Variants in SV2C observed in about 807,000 individuals in gnomAD.
The protein encoded by SV2C is solute carrier family 22 member B3.
In SV2C, 49 loss-of-function variants were observed where a neutral mutation model predicts 79.7. The observed-to-expected ratio is 0.61, with a 90% CI of 0.49 to 0.78. The LOEUF (loss-of-function observed/expected upper bound fraction) is 0.78. Ranked by LOEUF, SV2C falls within the 30% of genes least tolerant of loss-of-function variation. SV2C has a pLI of 0.00. For missense variants in SV2C, 833 were observed against 912.9 expected (o/e 0.91, Z 1.13); for synonymous variants, 334 against 333.2 (o/e 1.00, Z -0.03).
At chr5:76,035,629 G>C in the SV2C span, among the ~76,000 whole-genome samples, 5 of 149,994 alleles carry the variant, frequency 3.3e-5, no homozygotes, top group Admixed American at 2.7e-4. Context: ...TTTAATTTCT[G>C]TTCTTTTACA....
chr5:76,088,811 G>A lies in SV2C; in HGVS notation c.-102+5299G>A, dbSNP rs144857569. Among the ~76,000 whole-genome samples, 174 of 151,970 alleles carry A rather than the reference G, an allele frequency of 1.1e-3. 1 individual carries two copies. The East Asian group carries it at 0.027, about 24-fold the overall frequency. On this transcript the variant is annotated intron_variant, in intron 1 of 12. Coordinates refer to ENST00000502798, the MANE Select transcript of SV2C (RefSeq NM_014979.4). ...ATTTCCTTTTTTTTAAAAAAAAATG[G>A]GAATTTTTCATTAATGCCAGTCCCC...
At chr5:76,301,071 A>G in intron 11 of SV2C, 139 bp downstream of exon 11, 1 of 956,680 alleles carries the variant, frequency 1.0e-6, no homozygotes, top group Admixed American at 2.6e-5. Flanking sequence ...GGACTAAATT[A>G]TAGTGAAAAT....
the SV2C span, among the ~76,000 whole-genome samples, chr5:75,995,269 A>G: frequency 6.6e-6 from 1 of 152,090 alleles, no homozygotes; most frequent in African/African-American, 2.4e-5. Context: ...TTAATACATG[A>G]AATTAACCAT....
At chr5:76,195,395 C>T (rs1407561130) in intron 3 of SV2C, among the ~76,000 whole-genome samples, 1 of 152,162 alleles carries the variant, frequency 6.6e-6, no homozygotes, top group African/African-American at 2.4e-5. Flanking sequence ...TATGCTGCTT[C>T]TGAAAATTTA....
the SV2C span, among the ~76,000 whole-genome samples, chr5:75,871,033 G>A: frequency 1.1e-4 from 16 of 152,114 alleles, no homozygotes; most frequent in African/African-American, 3.9e-4. Flanking sequence ...AGCATAATAC[G>A]AGGACAATAT....
intron 1 of SV2C, among the ~76,000 whole-genome samples, chr5:76,104,898 C>T (rs1017741410): frequency 1.3e-5 from 2 of 152,178 alleles, no homozygotes; most frequent in African/African-American, 4.8e-5. Flanking sequence ...CCAGAAGAGG[C>T]AGTTTCTTCC....
chr5:76,265,646 A>C (rs2112464167), intron 4 of SV2C, among the ~76,000 whole-genome samples: 1 of 152,228 alleles, frequency 6.6e-6, no homozygotes, highest in Non-Finnish European at 1.5e-5. Flanking sequence ...GATTGCAAAA[A>C]CCATGAGAAA....
At chr5:75,980,983 G>A in the SV2C span, among the ~76,000 whole-genome samples, 2 of 152,096 alleles carry the variant, frequency 1.3e-5, no homozygotes, top group African/African-American at 4.8e-5. Context: ...CAGCCCAAAA[G>A]CTTCTTAAGC....
At chr5:75,874,699 T>A in the SV2C span, among the ~76,000 whole-genome samples, 181 of 152,070 alleles carry the variant, frequency 1.2e-3, 1 homozygote, top group Non-Finnish European at 1.5e-3. Context: ...TGATAAAAAA[T>A]TTCAGAAAAG....
At chr5:76,071,258 TAA>T in the SV2C span, among the ~76,000 whole-genome samples, 1 of 152,176 alleles carries the variant, frequency 6.6e-6, no homozygotes, top group African/African-American at 2.4e-5. Flanking sequence ...ATGTCAGTCA[TAA>T]AAGTGTGATT....
chr5:76,225,300 A>G (rs982400984), intron 4 of SV2C, among the ~76,000 whole-genome samples: 2 of 152,170 alleles, frequency 1.3e-5, no homozygotes, highest in African/African-American at 4.8e-5. Context: ...CCACTTGAGG[A>G]TAAATTAAAT....
the SV2C span, among the ~76,000 whole-genome samples, chr5:75,904,898 T>C: frequency 6.6e-6 from 1 of 152,328 alleles, no homozygotes; most frequent in East Asian, 1.9e-4. Flanking sequence ...GGCTAGATAC[T>C]GACAGTAAGT....
chr5:75,908,307 A>G, the SV2C span, among the ~76,000 whole-genome samples: 2 of 152,182 alleles, frequency 1.3e-5, no homozygotes, highest in Non-Finnish European at 2.9e-5. Flanking sequence ...GTCACACATT[A>G]TGTATCTTAC....
At chr5:76,152,331 A>G (rs1749629801) in intron 2 of SV2C, among the ~76,000 whole-genome samples, 1 of 152,256 alleles carries the variant, frequency 6.6e-6, no homozygotes, top group Admixed American at 6.5e-5. Flanking sequence ...TAACAAAAGT[A>G]TACTATAGAC....
At chr5:75,851,184 T>G in the SV2C span, among the ~76,000 whole-genome samples, 1 of 152,202 alleles carries the variant, frequency 6.6e-6, no homozygotes, top group Non-Finnish European at 1.5e-5. Flanking sequence ...CAGCAGAAAT[T>G]ATCATCTAAC....
intron 4 of SV2C, among the ~76,000 whole-genome samples, chr5:76,275,058 T>G (rs970848083): frequency 6.6e-6 from 1 of 152,192 alleles, no homozygotes; most frequent in Non-Finnish European, 1.5e-5. Context: ...GGTGATTTAC[T>G]TCTTAGCTTA....
chr5:75,956,289 C>T, the SV2C span, among the ~76,000 whole-genome samples: 15 of 145,986 alleles, frequency 1.0e-4, no homozygotes, highest in African/African-American at 2.8e-4. Context: ...AGTAAACTAT[C>T]GCAAGAACAA....
the SV2C span, among the ~76,000 whole-genome samples, chr5:75,969,859 A>G: frequency 3.9e-5 from 6 of 152,238 alleles, no homozygotes; most frequent in South Asian, 1.0e-3. Context: ...CCCCAAATCA[A>G]CAGAATATAC....
chr5:75,971,946 C>T, the SV2C span, among the ~76,000 whole-genome samples: 4 of 152,182 alleles, frequency 2.6e-5, no homozygotes, highest in Non-Finnish European at 4.4e-5. Flanking sequence ...CTACAGTAAC[C>T]AAAACAGCAT....
Sources: allele counts gnomAD v4.1 joint callset (sites outside exome capture counted in the v4.1 genomes callset), GRCh38; gene constraint gnomAD v4.1.1; transcripts MANE v1.5; gene names NCBI Gene and HGNC (gene_info 2026-07-23, HGNC 2026-07-21).